The following MEIKIN variants were observed in gnomAD, a reference collection of about 807,000 sequenced individuals.
MEIKIN encodes the protein meiotic kinetochore factor.
Position 131,916,868 on chromosome 5 carries a change from A to C in MEIKIN, c.638+18T>G, listed in dbSNP as rs552535797. On this transcript the variant is annotated intron_variant, in intron 7 of 12. Coordinates refer to ENST00000442687, the MANE Select transcript of MEIKIN (RefSeq NM_001303622.2). ...AGGGTTTCAGAAGCTCAACAATTTT[A>C]AAATTTTTAGTTCTTACGTTTTTCT... 2.5e-6 allele frequency: 1 copy of C among 397,238 alleles called. No individual in the cohort carries two copies. The highest frequency in any genetic ancestry group is 4.4e-6 in the Non-Finnish European group (1 of 225,028). The allele number at this position is 397,238 out of a possible 1,614,324, so 24.6% of individuals were successfully genotyped here.
intron 6 of MEIKIN, among the ~76,000 whole-genome samples, chr5:131,919,680 T>C (rs765706663): frequency 6.6e-6 from 1 of 151,878 alleles, no homozygotes; most frequent in African/African-American, 2.4e-5. Context: ...GAAGAGGATA[T>C]AAAGAAATAC....
chr5:131,840,658 G>A (rs1749889386), intron 11 of MEIKIN, among the ~76,000 whole-genome samples: 3 of 152,156 alleles, frequency 2.0e-5, no homozygotes, highest in South Asian at 2.1e-4. Context: ...ACTTGTGATT[G>A]CATTATGAAA....
intron 11 of MEIKIN, among the ~76,000 whole-genome samples, chr5:131,844,380 A>G (rs1749973642): frequency 6.6e-6 from 1 of 152,244 alleles, no homozygotes; most frequent in African/African-American, 2.4e-5. Context: ...TCTCCAAGAG[A>G]TTGAAAACAA....
rs574812279 is a variant in MEIKIN at position 131,921,774 on chromosome 5, T to C, written c.598+48A>G. Reference sequence around the variant, plus strand: ...AAATCATTCAAGAGAAAAAATACTTTGCTTTTCCAACATAGATGAGAAATG... The same window carrying C: ...AAATCATTCAAGAGAAAAAATACTTCGCTTTTCCAACATAGATGAGAAATG... On this transcript the variant is annotated intron_variant, in intron 6 of 12. Transcript: ENST00000442687. The C allele has an allele frequency of 1.5e-5, 6 of 398,752 alleles. No homozygotes were observed. In the South Asian group the frequency reaches 3.8e-4, roughly 25 times the overall value. The allele number at this position is 398,752 out of a possible 1,614,324, so 24.7% of individuals were successfully genotyped here.
chr5:131,889,763 T>C (rs1168519182), intron 8 of MEIKIN, among the ~76,000 whole-genome samples: 1 of 152,226 alleles, frequency 6.6e-6, no homozygotes, highest in Admixed American at 6.5e-5. Flanking sequence ...ATAGGAGTAA[T>C]GCGAGAGGGC....
At chr5:131,859,981 T>C (rs1439827178) in intron 9 of MEIKIN, among the ~76,000 whole-genome samples, 1 of 152,204 alleles carries the variant, frequency 6.6e-6, no homozygotes, top group East Asian at 1.9e-4. Context: ...TGAAGTCAGG[T>C]AGTGTAGTGC....
chr5:131,834,964 T>C (rs1467201568), intron 11 of MEIKIN, among the ~76,000 whole-genome samples: 2 of 152,152 alleles, frequency 1.3e-5, no homozygotes, highest in Non-Finnish European at 2.9e-5. Flanking sequence ...TACTTTTTAA[T>C]CTGTTGCTTT....
chr5:131,807,998 T>C lies in MEIKIN; in HGVS notation c.1100-740A>G, dbSNP rs1390226283. Reference sequence around the variant, plus strand: ...CTAAGCTGAGAACCAGACACCTGTATCTTTGCTATTCAAAGTGGGGTCCAT... The same window carrying C: ...CTAAGCTGAGAACCAGACACCTGTACCTTTGCTATTCAAAGTGGGGTCCAT... On this transcript the variant is annotated intron_variant, in intron 12 of 12. Transcript: ENST00000442687. Among the ~76,000 whole-genome samples the C allele has an allele frequency of 3.3e-5, 5 of 152,234 alleles. No homozygotes were observed. In the East Asian group the frequency reaches 9.6e-4, roughly 29 times the overall value.
At chr5:131,851,711 T>G (rs998687138) in intron 10 of MEIKIN, among the ~76,000 whole-genome samples, 1 of 152,234 alleles carries the variant, frequency 6.6e-6, no homozygotes, top group Non-Finnish European at 1.5e-5. Flanking sequence ...CTCTCCTAAG[T>G]GCCATATCCA....
chr5:131,835,192 G>GTGTGTATATATATATGTGTGTATATATA (rs1235109106), intron 11 of MEIKIN, among the ~76,000 whole-genome samples: 59 of 123,726 alleles, frequency 4.8e-4, no homozygotes, highest in Non-Finnish European at 3.6e-4. Context: ...ATATATATGT[G>GTGTGTATATATATATGTGTGTATATATA]TGTGTGTATA....
At chr5:131,868,301 T>C (rs1202636501) in intron 9 of MEIKIN, among the ~76,000 whole-genome samples, 1 of 152,156 alleles carries the variant, frequency 6.6e-6, no homozygotes, top group East Asian at 1.9e-4. Flanking sequence ...CCCAGGCTAG[T>C]CTTGAACCCT....
At chr5:131,902,918 A>G (rs1486211276) in intron 8 of MEIKIN, among the ~76,000 whole-genome samples, 1 of 152,194 alleles carries the variant, frequency 6.6e-6, no homozygotes, top group African/African-American at 2.4e-5. Flanking sequence ...ATAAAATGAT[A>G]CCAGAGCTGA....
chr5:131,819,719 A>C (rs2149602800), intron 11 of MEIKIN, among the ~76,000 whole-genome samples: 3 of 126,688 alleles, frequency 2.4e-5, no homozygotes, highest in African/African-American at 6.3e-5. Context: ...CATACCTCAG[A>C]CTCTCAAGTA....
chr5:131,936,349 C>T (rs1352725904), intron 4 of MEIKIN, among the ~76,000 whole-genome samples: 1 of 152,124 alleles, frequency 6.6e-6, no homozygotes, highest in Non-Finnish European at 1.5e-5. Context: ...CTAGAGACAA[C>T]TACTTTCAAC....
At chr5:131,903,286 A>G (rs1561750788) in intron 8 of MEIKIN, among the ~76,000 whole-genome samples, 2 of 152,196 alleles carry the variant, frequency 1.3e-5, no homozygotes, top group Admixed American at 6.5e-5. Flanking sequence ...ATTCAAATTC[A>G]GGACAAGCAG....
At chr5:131,855,591 G>C (rs960506820) in intron 9 of MEIKIN, among the ~76,000 whole-genome samples, 2 of 151,850 alleles carry the variant, frequency 1.3e-5, no homozygotes, top group African/African-American at 4.8e-5. Flanking sequence ...TAGAGGAGAG[G>C]AGAGGAGGTA....
intron 11 of MEIKIN, among the ~76,000 whole-genome samples, chr5:131,838,108 G>C (rs1177923327): frequency 6.6e-6 from 1 of 152,146 alleles, no homozygotes; most frequent in Non-Finnish European, 1.5e-5. Context: ...CATCTATTGA[G>C]ATAATAACAT....
chr5:131,915,106 A>G (rs1285254166), intron 7 of MEIKIN, among the ~76,000 whole-genome samples: 1 of 152,178 alleles, frequency 6.6e-6, no homozygotes, highest in Admixed American at 6.5e-5. Flanking sequence ...CAATGAAGAA[A>G]GTGGCCAAAT....
intron 11 of MEIKIN, among the ~76,000 whole-genome samples, chr5:131,847,571 TAGAC>T (rs1750041281): frequency 6.6e-6 from 1 of 151,704 alleles, no homozygotes; most frequent in Non-Finnish European, 1.5e-5. Flanking sequence ...AAGGGAAAAA[TAGAC>T]AGTTCTATAA....
Sources: allele counts gnomAD v4.1 joint callset (sites outside exome capture counted in the v4.1 genomes callset), GRCh38; gene constraint gnomAD v4.1.1; transcripts MANE v1.5; gene names NCBI Gene and HGNC (gene_info 2026-07-23, HGNC 2026-07-21).